Variants in ITGA9 observed in about 807,000 individuals in gnomAD.
The protein encoded by ITGA9 is integrin alpha-9.
A neutral mutation model predicts 127.8 loss-of-function variants in ITGA9; 56 were observed. The ratio of observed to expected loss-of-function variants is 0.44; its 90% CI spans 0.35 to 0.55. ITGA9 has a LOEUF of 0.55. ITGA9 is among the 20% of genes least tolerant of loss of function. The probability of loss-of-function intolerance (pLI) is 0.00; values close to 1 mark genes in which losing one functional copy is unlikely to be tolerated. For missense variants in ITGA9, 1,196 were observed against 1,347.1 expected (o/e 0.89, Z 1.76); for synonymous variants, 508 against 514.5 (o/e 0.99, Z 0.17).
chr3:37,768,521 C>A (rs887745104), intron 23 of ITGA9, among the ~76,000 whole-genome samples: 1 of 152,150 alleles, frequency 6.6e-6, no homozygotes, highest in Non-Finnish European at 1.5e-5. Flanking sequence ...TCAAAACATT[C>A]TCTGAGTTTT....
intron 16 of ITGA9, among the ~76,000 whole-genome samples, chr3:37,633,551 A>G (rs1351272806): frequency 6.6e-6 from 1 of 152,228 alleles, no homozygotes; most frequent in Non-Finnish European, 1.5e-5. Context: ...AAATGGTTGT[A>G]TGGGTACTCA....
chr3:37,805,288 A>G (rs1482862366), intron 27 of ITGA9, among the ~76,000 whole-genome samples: 2 of 152,134 alleles, frequency 1.3e-5, no homozygotes, highest in Non-Finnish European at 2.9e-5. Flanking sequence ...GCCTCCAGCT[A>G]TCCTCCCACC....
At chr3:37,464,366 A>G (rs1698348717) in intron 1 of ITGA9, among the ~76,000 whole-genome samples, 1 of 151,514 alleles carries the variant, frequency 6.6e-6, no homozygotes, top group Admixed American at 6.6e-5. Context: ...GGGTGCTGCC[A>G]GGAGTTAGAA....
At chr3:37,707,657 C>T (rs924212627) in intron 18 of ITGA9, among the ~76,000 whole-genome samples, 6 of 152,150 alleles carry the variant, frequency 3.9e-5, no homozygotes, top group South Asian at 4.1e-4. Flanking sequence ...CTCTTCTTTC[C>T]GGTAGATGAA....
At chr3:37,737,055 T>A in intron 20 of ITGA9, 72 bp downstream of exon 20, 1 of 984,420 alleles carries the variant, frequency 1.0e-6, no homozygotes, top group Non-Finnish European at 1.6e-6. Context: ...GTGTCCTGGT[T>A]AAGCTTTGAT....
At chr3:37,664,584 C>A (rs1478891464) in intron 17 of ITGA9, among the ~76,000 whole-genome samples, 2 of 151,872 alleles carry the variant, frequency 1.3e-5, no homozygotes, top group African/African-American at 2.4e-5. Context: ...CCATGCCTGG[C>A]TAATTTTCTA....
At chr3:37,504,171 A>G (rs1026384519) in intron 6 of ITGA9, among the ~76,000 whole-genome samples, 1 of 152,162 alleles carries the variant, frequency 6.6e-6, no homozygotes, top group African/African-American at 2.4e-5. Flanking sequence ...CATAGACCCA[A>G]CAATCCTTCT....
chr3:37,633,557 A>G (rs1231840771), intron 16 of ITGA9, among the ~76,000 whole-genome samples: 1 of 152,216 alleles, frequency 6.6e-6, no homozygotes, highest in Non-Finnish European at 1.5e-5. Flanking sequence ...TTGTATGGGT[A>G]CTCACCATTA....
Position 37,816,869 on chromosome 3 carries a change from T to C in ITGA9, c.3010-2022T>C, listed in dbSNP as rs181887847. On this transcript the variant is annotated intron_variant, in intron 27 of 27. Transcript: ENST00000264741. ...TTGCCAGTTGTTCTAAGAAAGCTTC[T>C]GCTCTTTCCCAGTCATTCAAACTGC... Among the ~76,000 whole-genome samples the C allele has an allele frequency of 3.5e-3, 528 of 152,332 alleles. 1 individual carries two copies. Among genetic ancestry groups the C allele is most frequent in the Non-Finnish European group, 5.9e-3 (401 of 68,030 alleles).
At chr3:37,591,837 A>G (rs1029993155) in intron 15 of ITGA9, among the ~76,000 whole-genome samples, 6 of 152,164 alleles carry the variant, frequency 3.9e-5, no homozygotes, top group Non-Finnish European at 7.3e-5. Flanking sequence ...TCCCAGCCTG[A>G]GCGCCTTGGG....
chr3:37,629,416 G>C lies in ITGA9; in HGVS notation c.1839+80G>C. ...AAATAATGGCCCAAAAGTTGAGAGA[G>C]CCGTGGGCCTGGCTGCTCAGGAGAC... On this transcript the variant is annotated intron_variant, in intron 16 of 27. Coordinates refer to ENST00000264741, the MANE Select transcript of ITGA9 (RefSeq NM_002207.3). The surrounding 1 kb of genome is among the most constrained non-coding windows in gnomAD (Gnocchi z 4.5). The C allele has an allele frequency of 1.7e-5, 26 of 1,525,426 alleles. No individual in the cohort carries two copies. The highest frequency in any genetic ancestry group is 2.1e-5 in the Non-Finnish European group (23 of 1,115,128). The allele number at this position is 1,525,426 out of a possible 1,614,324, so 94.5% of individuals were successfully genotyped here. A position where few individuals can be genotyped will look rare whatever the true frequency, so the allele number is the denominator to read the frequency against.
At chr3:37,631,633 G>A (rs909308947) in intron 16 of ITGA9, among the ~76,000 whole-genome samples, 2 of 152,202 alleles carry the variant, frequency 1.3e-5, no homozygotes, top group Non-Finnish European at 2.9e-5. Flanking sequence ...GTGTTAGTGG[G>A]TGAACTTGAA....
At chr3:37,694,408 A>T (rs920577863) in intron 18 of ITGA9, among the ~76,000 whole-genome samples, 2 of 152,198 alleles carry the variant, frequency 1.3e-5, no homozygotes, top group Admixed American at 1.3e-4. Context: ...TGCCTGGGAG[A>T]CAGGCTGGGC....
In ITGA9 at chr3:37,772,506, G is replaced by A. The variant is rs114030866; in HGVS notation, c.2542-4886G>A. On this transcript the variant is annotated intron_variant, in intron 23 of 27. Coordinates refer to ENST00000264741, the MANE Select transcript of ITGA9 (RefSeq NM_002207.3). Reference sequence around the variant, plus strand: ...GTGTGGAAAGCACCGAGAGCCTGGCGTGCAGTAAGGGCCATGCAAGTGTTA... The same window carrying A: ...GTGTGGAAAGCACCGAGAGCCTGGCATGCAGTAAGGGCCATGCAAGTGTTA... Among the ~76,000 whole-genome samples, 74 of 152,150 alleles carry A rather than the reference G, an allele frequency of 4.9e-4. 1 individual carries two copies. The highest frequency in any genetic ancestry group is 1.7e-3 in the African/African-American group (72 of 41,520).
intron 1 of ITGA9, among the ~76,000 whole-genome samples, chr3:37,463,826 A>T (rs1378923968): frequency 1.3e-5 from 2 of 152,174 alleles, no homozygotes; most frequent in Admixed American, 1.3e-4. Context: ...TGCCCAGCGC[A>T]CCAGAAAAGG....
At chr3:37,457,973 C>T (rs1036966442) in intron 1 of ITGA9, among the ~76,000 whole-genome samples, 1 of 152,172 alleles carries the variant, frequency 6.6e-6, no homozygotes, top group Non-Finnish European at 1.5e-5. Flanking sequence ...AGGAAATGGT[C>T]TCCTGATAAC....
At chr3:37,681,714 A>G (rs181723876) in intron 17 of ITGA9, among the ~76,000 whole-genome samples, 148 of 152,266 alleles carry the variant, frequency 9.7e-4, no homozygotes, top group African/African-American at 3.2e-3. Context: ...GCATCACACA[A>G]TAATCATCAG....
intron 6 of ITGA9, among the ~76,000 whole-genome samples, chr3:37,504,311 T>C (rs563049195): frequency 3.7e-4 from 56 of 152,246 alleles, no homozygotes; most frequent in Non-Finnish European, 5.0e-4. Flanking sequence ...GTAGCTATTA[T>C]TATCTACATT....
intron 1 of ITGA9, among the ~76,000 whole-genome samples, chr3:37,468,833 C>T (rs1698398502): frequency 6.6e-6 from 1 of 152,090 alleles, no homozygotes; most frequent in Non-Finnish European, 1.5e-5. Context: ...AGGTGAATTC[C>T]CTCTCTTTTC....
Sources: gnomAD v4.1 joint callset for allele counts (sites outside exome capture counted in the v4.1 genomes callset) on GRCh38, gnomAD v4.1.1 for gene constraint, Gnocchi (gnomAD v3.1) non-coding constraint, MANE v1.5 for transcripts, NCBI Gene and HGNC (gene_info 2026-07-23, HGNC 2026-07-21) for gene names.